Variants in RANBP2 observed in about 807,000 individuals in gnomAD.
RANBP2 encodes the protein RAN binding protein 2.
RANBP2 carries 57 observed loss-of-function variants against 303.6 expected under a neutral mutation model. That is an observed-to-expected ratio of 0.19 (90% CI 0.15 to 0.23). The LOEUF (loss-of-function observed/expected upper bound fraction) is 0.23, where lower values mean the gene tolerates loss of function less well. RANBP2 is among the 10% of genes least tolerant of loss of function. The pLI is 1.00. For missense variants in RANBP2, 3,138 were observed against 3,780.8 expected (o/e 0.83, Z 4.46); for synonymous variants, 1,167 against 1,301.5 (o/e 0.90, Z 2.23).
the RANBP2 span, among the ~76,000 whole-genome samples, chr2:109,597,512 A>G: frequency 6.6e-6 from 1 of 152,316 alleles, no homozygotes; most frequent in Admixed American, 6.5e-5. Flanking sequence ...ACAATAGGTG[A>G]CCACAATCTC....
At chr2:108,805,051 GAAGT>G in the RANBP2 span, 1 of 1,100,594 alleles carries the variant, frequency 9.1e-7, no homozygotes, top group Non-Finnish European at 1.2e-6. Flanking sequence ...GACATTCTAA[GAAGT>G]ATATTTTATA....
chr2:109,487,516 T>A, the RANBP2 span, among the ~76,000 whole-genome samples: 14 of 152,232 alleles, frequency 9.2e-5, no homozygotes, highest in Non-Finnish European at 1.0e-4. Flanking sequence ...CATCAGCGTT[T>A]TTCCAAGTTA....
intron 7 of RANBP2, among the ~76,000 whole-genome samples, chr2:108,744,748 A>G (rs1440605655): frequency 6.6e-6 from 1 of 152,212 alleles, no homozygotes; most frequent in Non-Finnish European, 1.5e-5. Flanking sequence ...TTATATATAC[A>G]TGGTTTAAAA....
At chr2:108,853,929 A>AG in the RANBP2 span, among the ~76,000 whole-genome samples, 4 of 125,066 alleles carry the variant, frequency 3.2e-5, no homozygotes, top group African/African-American at 1.2e-4. Flanking sequence ...TATATTATAT[A>AG]TAATTTATAT....
the RANBP2 span, among the ~76,000 whole-genome samples, chr2:108,819,170 G>C: frequency 5.9e-5 from 9 of 152,114 alleles, no homozygotes; most frequent in African/African-American, 9.7e-5. Flanking sequence ...ATGTTAGTGA[G>C]AATTATAGAG....
At chr2:109,567,422 T>G in the RANBP2 span, among the ~76,000 whole-genome samples, 1 of 152,184 alleles carries the variant, frequency 6.6e-6, no homozygotes, top group South Asian at 2.1e-4. Context: ...AAATACTAGT[T>G]TTAAGAGACC....
chr2:109,426,638 A>G, the RANBP2 span, among the ~76,000 whole-genome samples: 1 of 152,210 alleles, frequency 6.6e-6, no homozygotes, highest in Non-Finnish European at 1.5e-5. Context: ...AATGACAACA[A>G]AGAGTTTAGA....
chr2:108,811,999 C>T, the RANBP2 span, among the ~76,000 whole-genome samples: 2 of 151,802 alleles, frequency 1.3e-5, no homozygotes, highest in African/African-American at 4.8e-5. Flanking sequence ...GTATATATAT[C>T]ACAAATTTTA....
At chr2:109,345,327 G>A in the RANBP2 span, among the ~76,000 whole-genome samples, 4 of 152,318 alleles carry the variant, frequency 2.6e-5, no homozygotes, top group East Asian at 5.8e-4. Flanking sequence ...CTTCTCGGGG[G>A]CATTGCAGGG....
the RANBP2 span, among the ~76,000 whole-genome samples, chr2:109,645,252 A>G: frequency 1.3e-5 from 2 of 152,222 alleles, no homozygotes; most frequent in Non-Finnish European, 1.5e-5. Flanking sequence ...AAATTAGCTT[A>G]CAGAGTGAAG....
chr2:109,246,575 T>TAG, the RANBP2 span, among the ~76,000 whole-genome samples: 1 of 152,152 alleles, frequency 6.6e-6, no homozygotes, highest in Non-Finnish European at 1.5e-5. Flanking sequence ...CTGGAGAGTG[T>TAG]AGATGTTTCA....
chr2:109,067,007 C>T, the RANBP2 span, among the ~76,000 whole-genome samples: 1 of 151,926 alleles, frequency 6.6e-6, no homozygotes, highest in Non-Finnish European at 1.5e-5. Context: ...TGTTTTATCC[C>T]AGGGCATAGG....
rs1332179032 is a variant in RANBP2 at position 108,767,664 on chromosome 2, C to G, written c.7125C>G (p.Asp2375Glu). ...NKQVRIVMRRDQVLKLCANHR... is the reference protein window; with the variant it reads ...NKQVRIVMRREQVLKLCANHR... ...AAGTTCGTATAGTGATGAGAAGGGA[C>G]CAAGTATTAAAACTTTGTGCCAATC... The change falls in exon 20 of 29, where the codon GAC (aspartate) becomes GAG (glutamate). Residue 2375 changes from aspartate (D) to glutamate (E), a missense_variant. Around this residue, in one of 20 missense-constraint regions of RANBP2, gnomAD observed 92 missense variants for 211.0 expected, o/e 0.44. Coordinates refer to ENST00000283195, the MANE Select transcript of RANBP2 (RefSeq NM_006267.5). The G allele has an allele frequency of 6.2e-7, 1 of 1,611,840 alleles. No individual in the cohort carries two copies. Among genetic ancestry groups the G allele is most frequent in the East Asian group, 2.2e-5 (1 of 44,868 alleles).
At chr2:109,213,328 C>A in the RANBP2 span, among the ~76,000 whole-genome samples, 2 of 152,262 alleles carry the variant, frequency 1.3e-5, no homozygotes, top group East Asian at 3.9e-4. Flanking sequence ...GTACGCCAAA[C>A]GCAGCCCGGG....
the RANBP2 span, among the ~76,000 whole-genome samples, chr2:109,635,799 G>A: frequency 0.015 from 2,354 of 152,298 alleles, 56 homozygotes; most frequent in African/African-American, 0.053. Context: ...CGGGTCCTAA[G>A]TTGCAAACAT....
the RANBP2 span, among the ~76,000 whole-genome samples, chr2:109,376,226 G>T: frequency 1.3e-5 from 2 of 152,262 alleles, no homozygotes. Context: ...TGGGTTTGAA[G>T]GCAGGGCAGT....
the RANBP2 span, among the ~76,000 whole-genome samples, chr2:109,584,790 A>AT: frequency 6.6e-6 from 1 of 151,912 alleles, no homozygotes; most frequent in Non-Finnish European, 1.5e-5. Flanking sequence ...TATGTCTTGT[A>AT]TTTTTTTTCT....
chr2:108,904,182 G>A, the RANBP2 span, among the ~76,000 whole-genome samples: 2 of 151,952 alleles, frequency 1.3e-5, no homozygotes, highest in Non-Finnish European at 2.9e-5. Context: ...TCATTTTACT[G>A]AAGAGGACAC....
At chr2:109,766,754 A>C in the RANBP2 span, among the ~76,000 whole-genome samples, 5 of 149,308 alleles carry the variant, frequency 3.3e-5, no homozygotes, top group Admixed American at 6.9e-5. Flanking sequence ...TTTGTGTGTA[A>C]GTGGAATTTT....
Sources: allele counts gnomAD v4.1 joint callset (sites outside exome capture counted in the v4.1 genomes callset), GRCh38; gene constraint gnomAD v4.1.1; regional missense constraint gnomAD v4.1.1; transcripts MANE v1.5; gene names NCBI Gene and HGNC (gene_info 2026-07-23, HGNC 2026-07-21).